HDX: variants seen among roughly 807,000 people sequenced by gnomAD.
HDX encodes the protein highly divergent homeobox.
HDX carries 19 observed loss-of-function variants against 45.2 expected under a neutral mutation model. The observed-to-expected ratio is 0.42, with a 90% CI of 0.29 to 0.62. HDX has a LOEUF of 0.62. Ranked by LOEUF, HDX falls within the 20% of genes least tolerant of loss-of-function variation. The probability of loss-of-function intolerance (pLI) is 0.20; values close to 1 mark genes in which losing one functional copy is unlikely to be tolerated. For missense variants in HDX, 532 were observed against 493.9 expected (o/e 1.08, Z -0.73); for synonymous variants, 188 against 172.8 (o/e 1.09, Z -0.69).
At chrX:84,424,247 T>A (rs912294931) in intron 5 of HDX, among the ~76,000 whole-genome samples, 4 of 110,573 alleles carry the variant, frequency 3.6e-5, no homozygotes, top group Non-Finnish European at 7.6e-5. Context: ...TACCTAGAAA[T>A]TAACCAAAGA....
chrX:84,395,039 T>C (rs957926579), intron 5 of HDX, among the ~76,000 whole-genome samples: 10 of 111,380 alleles, frequency 9.0e-5, no homozygotes, highest in African/African-American at 3.2e-4. Context: ...ATCCTATGAA[T>C]TGATTTCTGG....
At chrX:84,485,363 G>A (rs919368946) in intron 2 of HDX, among the ~76,000 whole-genome samples, 14 of 111,486 alleles carry the variant, frequency 1.3e-4, no homozygotes, top group African/African-American at 4.6e-4. Context: ...CTATAACTGT[G>A]GATTTGTCTA....
intron 5 of HDX, among the ~76,000 whole-genome samples, chrX:84,366,732 A>T (rs188709507): frequency 9.0e-6 from 1 of 111,624 alleles, no homozygotes; most frequent in East Asian, 2.8e-4. Flanking sequence ...AGCAATGGGG[A>T]GCAACCCCAT....
At chrX:84,410,768 A>G (rs2038964210) in intron 5 of HDX, among the ~76,000 whole-genome samples, 1 of 111,856 alleles carries the variant, frequency 8.9e-6, no homozygotes, top group African/African-American at 3.3e-5. Flanking sequence ...TATGTCTGGT[A>G]GAATTTAGCT....
At chrX:84,425,896 A>G (rs1161046959) in intron 5 of HDX, among the ~76,000 whole-genome samples, 1 of 110,917 alleles carries the variant, frequency 9.0e-6, no homozygotes, top group African/African-American at 3.3e-5. Context: ...ACTATTTGAT[A>G]GCACAACAGG....
At chrX:84,489,236 C>A (rs1372962929) in intron 1 of HDX, among the ~76,000 whole-genome samples, 1 of 111,220 alleles carries the variant, frequency 9.0e-6, no homozygotes, top group Non-Finnish European at 1.9e-5. Flanking sequence ...CACACATGAA[C>A]TGAGCAGTAG....
At chrX:84,358,170 C>CTAAT (rs1384735374) in intron 6 of HDX, among the ~76,000 whole-genome samples, 2 of 111,427 alleles carry the variant, frequency 1.8e-5, no homozygotes, top group African/African-American at 6.5e-5. Flanking sequence ...ACAGCTAAAC[C>CTAAT]TAATTCTAAT....
intron 5 of HDX, among the ~76,000 whole-genome samples, chrX:84,406,934 G>GA (rs1323626312): frequency 5.5e-4 from 58 of 104,635 alleles, no homozygotes; most frequent in Non-Finnish European, 4.2e-4. Flanking sequence ...TTGAGCGGGT[G>GA]AAAAAAAAAC....
At chrX:84,438,215 C>T (rs984937449) in intron 5 of HDX, among the ~76,000 whole-genome samples, 4 of 110,918 alleles carry the variant, frequency 3.6e-5, no homozygotes, top group African/African-American at 1.3e-4. Context: ...ATTCTTTCAT[C>T]CTTTCAGAAT....
At chrX:84,417,385 A>G (rs2039139082) in intron 5 of HDX, among the ~76,000 whole-genome samples, 1 of 112,167 alleles carries the variant, frequency 8.9e-6, no homozygotes, top group East Asian at 2.8e-4. Flanking sequence ...AACTGAGATC[A>G]GCAGCAGAGA....
At chrX:84,416,955 G>C (rs1400364481) in intron 5 of HDX, among the ~76,000 whole-genome samples, 2 of 109,231 alleles carry the variant, frequency 1.8e-5, no homozygotes, top group African/African-American at 6.7e-5. Flanking sequence ...AGGAATTCGA[G>C]ACCAGCCTGG....
chrX:84,424,864 C>CAA (rs376188789), intron 5 of HDX, among the ~76,000 whole-genome samples: 1 of 106,262 alleles, frequency 9.4e-6, no homozygotes, highest in South Asian at 4.0e-4. Flanking sequence ...ACTACTACTA[C>CAA]AAAAAAAAAA....
At chrX:84,443,313 A>T (rs919138264) in intron 4 of HDX, among the ~76,000 whole-genome samples, 10 of 111,253 alleles carry the variant, frequency 9.0e-5, no homozygotes, top group African/African-American at 3.3e-4. Flanking sequence ...AAAAGCTATG[A>T]AATGCAATAT....
At chrX:84,412,466 T>A (rs1341742744) in intron 5 of HDX, among the ~76,000 whole-genome samples, 1 of 111,951 alleles carries the variant, frequency 8.9e-6, no homozygotes, top group Non-Finnish European at 1.9e-5. Context: ...TTTTTTTTAA[T>A]TTTTCTAATA....
At chrX:84,336,424 A>C (rs1304196032) in intron 8 of HDX, among the ~76,000 whole-genome samples, 1 of 111,277 alleles carries the variant, frequency 9.0e-6, no homozygotes, top group East Asian at 2.9e-4. Flanking sequence ...ATGTGCCACA[A>C]CTAACAAAGT....
At chrX:84,338,944 C>T (rs1210945221) in intron 7 of HDX, among the ~76,000 whole-genome samples, 2 of 111,308 alleles carry the variant, frequency 1.8e-5, no homozygotes, top group East Asian at 5.7e-4. Flanking sequence ...TCACCTTCTG[C>T]CATTATTGTA....
chrX:84,495,849 T>G (rs1162786716), intron 1 of HDX, among the ~76,000 whole-genome samples: 1 of 111,485 alleles, frequency 9.0e-6, no homozygotes, highest in Non-Finnish European at 1.9e-5. Flanking sequence ...ACATATTTAT[T>G]TTAACCCAAA....
chrX:84,365,118 A>T (rs1395060458), intron 5 of HDX, among the ~76,000 whole-genome samples: 1 of 109,679 alleles, frequency 9.1e-6, no homozygotes, highest in Non-Finnish European at 1.9e-5. Flanking sequence ...TCAATACCAG[A>T]TGTGAGATTG....
intron 4 of HDX, among the ~76,000 whole-genome samples, chrX:84,459,755 G>T (rs2040196565): frequency 9.0e-6 from 1 of 111,021 alleles, no homozygotes; most frequent in Non-Finnish European, 1.9e-5. Flanking sequence ...GTTAAAAGTT[G>T]GTTTTTAAAA....
Sources: gnomAD v4.1 joint callset for allele counts (sites outside exome capture counted in the v4.1 genomes callset) on GRCh38, gnomAD v4.1.1 for gene constraint, MANE v1.5 for transcripts, NCBI Gene and HGNC (gene_info 2026-07-23, HGNC 2026-07-21) for gene names.